The following GRIK2 variants were observed in gnomAD, a reference collection of about 807,000 sequenced individuals.
GRIK2 encodes the protein glutamate receptor ionotropic, kainate 2.
GRIK2 carries 32 observed loss-of-function variants against 100.3 expected under a neutral mutation model. The ratio of observed to expected loss-of-function variants is 0.32; its 90% confidence interval spans 0.24 to 0.43. The LOEUF is 0.43. Ranked by LOEUF, GRIK2 falls within the 20% of genes least tolerant of loss-of-function variation. GRIK2 has a pLI of 1.00. For missense variants in GRIK2, 843 were observed against 1,114.9 expected, an observed-to-expected ratio of 0.76 and a Z score of 3.47; for synonymous variants, 417 against 389.4, an observed-to-expected ratio of 1.07 and a Z score of -0.83.
intron 14 of GRIK2, among the ~76,000 whole-genome samples, chr6:101,933,866 A>G (rs1377752628): frequency 6.6e-6 from 1 of 151,990 alleles, no homozygotes. Flanking sequence ...TTTGAAGTGT[A>G]GGTAATGAAG....
chr6:101,796,072 G>A (rs1201973335), intron 7 of GRIK2, among the ~76,000 whole-genome samples: 1 of 152,122 alleles, frequency 6.6e-6, no homozygotes, highest in Non-Finnish European at 1.5e-5. Context: ...ATTAACCATA[G>A]AGTGTTGAGT....
chr6:101,834,305 T>C (rs1412240358), intron 10 of GRIK2, among the ~76,000 whole-genome samples: 1 of 152,162 alleles, frequency 6.6e-6, no homozygotes, highest in East Asian at 1.9e-4. Flanking sequence ...ACATGTTTAC[T>C]GTTTAGCCAT....
intron 16 of GRIK2, among the ~76,000 whole-genome samples, chr6:102,062,094 C>G (rs114188426): frequency 2.0e-5 from 3 of 149,732 alleles, no homozygotes; most frequent in African/African-American, 4.9e-5. Flanking sequence ...TTTTCTCCAT[C>G]CCATTGTGTT....
chr6:101,585,443 G>A (rs1324252025), intron 2 of GRIK2, among the ~76,000 whole-genome samples: 1 of 152,050 alleles, frequency 6.6e-6, no homozygotes, highest in African/African-American at 2.4e-5. Flanking sequence ...AGAGTCAAAT[G>A]TACTATGCCA....
chr6:101,636,478 A>T (rs1205267687), intron 4 of GRIK2, among the ~76,000 whole-genome samples: 4 of 152,134 alleles, frequency 2.6e-5, no homozygotes, highest in Non-Finnish European at 4.4e-5. Flanking sequence ...CTGCACATGT[A>T]TCCCATAACT....
chr6:101,882,157 A>G (rs966015314), intron 11 of GRIK2, among the ~76,000 whole-genome samples: 1 of 152,046 alleles, frequency 6.6e-6, no homozygotes, highest in Non-Finnish European at 1.5e-5. Flanking sequence ...ATTATCTTCC[A>G]CTGGGTCCCT....
chr6:101,849,862 G>GA (rs35599515), intron 10 of GRIK2, among the ~76,000 whole-genome samples: 98,944 of 108,602 alleles, frequency 0.91, 45,329 homozygotes, highest in Middle Eastern at 0.97. Context: ...GTTCATTAAG[G>GA]AAAAAAAAAG....
intron 3 of GRIK2, among the ~76,000 whole-genome samples, chr6:101,622,413 T>C (rs1006040677): frequency 6.6e-6 from 1 of 152,078 alleles, no homozygotes; most frequent in African/African-American, 2.4e-5. Context: ...AAATATAAAA[T>C]TTATATGAGT....
chr6:101,818,018 G>A lies in GRIK2; in HGVS notation c.1204-352G>A, dbSNP rs74614922. Among the ~76,000 whole-genome samples the A allele has an allele frequency of 5.6e-3, 855 of 152,244 alleles. 5 individuals carry two copies. The highest frequency in any genetic ancestry group is 0.02 in the African/African-American group (827 of 41,544). On this transcript the variant is annotated intron_variant, in intron 9 of 16. Coordinates refer to ENST00000369134, the MANE Select transcript of GRIK2 (RefSeq NM_021956.5). ...ATATGGCATGTTATCTTTATGAGAG[G>A]ATGAAATAGATCCATTACAGTAAAA...
intron 11 of GRIK2, among the ~76,000 whole-genome samples, chr6:101,883,768 A>G (rs1041184442): frequency 6.6e-6 from 1 of 152,164 alleles, no homozygotes; most frequent in African/African-American, 2.4e-5. Context: ...AAGGCCTGGA[A>G]AAAGGAATGT....
At chr6:101,491,273 A>AG (rs966076189) in intron 2 of GRIK2, among the ~76,000 whole-genome samples, 3 of 79,488 alleles carry the variant, frequency 3.8e-5, no homozygotes, top group African/African-American at 2.3e-4. Context: ...GGAGAAAAAA[A>AG]GAAAAAAAAA....
At chr6:101,730,557 TAA>T (rs957015384) in intron 7 of GRIK2, among the ~76,000 whole-genome samples, 2 of 151,958 alleles carry the variant, frequency 1.3e-5, no homozygotes, top group African/African-American at 4.8e-5. Context: ...GGAAAAGTTA[TAA>T]AATCATTGTT....
chr6:101,556,742 T>C (rs1327261318), intron 2 of GRIK2, among the ~76,000 whole-genome samples: 5 of 152,152 alleles, frequency 3.3e-5, no homozygotes, highest in Non-Finnish European at 7.3e-5. Context: ...GTGTGGGATA[T>C]GGTAAGCACC....
At chr6:101,462,936 G>A (rs531513237) in intron 2 of GRIK2, among the ~76,000 whole-genome samples, 38 of 152,214 alleles carry the variant, frequency 2.5e-4, no homozygotes, top group Admixed American at 2.5e-3. Context: ...GAGTTATGCT[G>A]AGAAAAATCT....
At chr6:101,856,993 C>T (rs901282024) in intron 10 of GRIK2, among the ~76,000 whole-genome samples, 1 of 152,158 alleles carries the variant, frequency 6.6e-6, no homozygotes, top group African/African-American at 2.4e-5. Context: ...GTAAAGGCTT[C>T]TCTTCCTACT....
At chr6:102,008,869 T>A (rs1307474392) in intron 14 of GRIK2, among the ~76,000 whole-genome samples, 1 of 152,098 alleles carries the variant, frequency 6.6e-6, no homozygotes, top group Non-Finnish European at 1.5e-5. Context: ...CAAAATGTTG[T>A]GTTATACATA....
intron 14 of GRIK2, among the ~76,000 whole-genome samples, chr6:101,960,679 T>A (rs1792241888): frequency 2.0e-5 from 3 of 152,144 alleles, no homozygotes; most frequent in African/African-American, 7.2e-5. Flanking sequence ...ATAGTAGCAA[T>A]GTACTCGGCC....
At chr6:101,453,150 C>G (rs1340825537) in intron 2 of GRIK2, among the ~76,000 whole-genome samples, 1 of 151,762 alleles carries the variant, frequency 6.6e-6, no homozygotes, top group Non-Finnish European at 1.5e-5. Flanking sequence ...TCAACTGTAT[C>G]CTGCTATTAA....
chr6:101,817,340 T>G (rs1781695477), intron 9 of GRIK2, among the ~76,000 whole-genome samples: 1 of 152,212 alleles, frequency 6.6e-6, no homozygotes, highest in African/African-American at 2.4e-5. Flanking sequence ...AATGCCATTT[T>G]AAAAAGACTT....
Sources: allele counts gnomAD v4.1 joint callset (sites outside exome capture counted in the v4.1 genomes callset), GRCh38; gene constraint gnomAD v4.1.1; transcripts MANE v1.5; gene names NCBI Gene and HGNC (gene_info 2026-07-23, HGNC 2026-07-21).